The following ATP13A5 variants were observed in gnomAD, a reference collection of about 807,000 sequenced individuals.
ATP13A5 encodes ATPase 13A5.
In ATP13A5, 149 loss-of-function variants were observed where a neutral mutation model predicts 150.2. That is an observed-to-expected ratio of 0.99 (90% CI 0.87 to 1.14). ATP13A5 has a LOEUF of 1.14. Among genes scored for constraint, ATP13A5 ranks in the 50% most tolerant of loss-of-function variants. The probability of loss-of-function intolerance (pLI) is 0.00; values close to 1 mark genes in which losing one functional copy is unlikely to be tolerated. For missense variants in ATP13A5, 1,383 were observed against 1,449.3 expected (o/e 0.95, Z 0.74); for synonymous variants, 497 against 522.2 (o/e 0.95, Z 0.66).
chr3:193,282,945 G>C (rs7615095), intron 27 of ATP13A5, among the ~76,000 whole-genome samples: 61,947 of 152,056 alleles, frequency 0.41, 13,457 homozygotes, highest in East Asian at 0.55. Context: ...GAGGAATAAT[G>C]AGGATACACT....
intron 16 of ATP13A5, 70 bp from the exon 17 acceptor site, chr3:193,319,178 A>G: frequency 2.7e-6 from 3 of 1,112,568 alleles, no homozygotes; most frequent in Non-Finnish European, 4.0e-6. Flanking sequence ...ACTCCAGGAC[A>G]CAGCCATTGT....
intron 7 of ATP13A5, among the ~76,000 whole-genome samples, chr3:193,347,524 C>CTTT (rs1553820269): frequency 4.8e-5 from 7 of 145,382 alleles, no homozygotes; most frequent in Admixed American, 6.8e-5. Flanking sequence ...CCTTAGATTT[C>CTTT]TTTTTTTTTT....
chr3:193,349,673 A>C (rs1344026712), intron 7 of ATP13A5, among the ~76,000 whole-genome samples: 2 of 152,148 alleles, frequency 1.3e-5, no homozygotes, highest in African/African-American at 4.8e-5. Flanking sequence ...AATCAGGAAA[A>C]TGTACCTTAA....
chr3:193,289,422 G>T (rs1423151336), intron 26 of ATP13A5, among the ~76,000 whole-genome samples: 3 of 152,048 alleles, frequency 2.0e-5, no homozygotes, highest in Admixed American at 6.6e-5. Flanking sequence ...CAGCCCACAG[G>T]CCAAATCTGA....
At position 193,275,212 on chromosome 3, in the gene ATP13A5, T is replaced by G. The variant is rs775306817; in HGVS notation, c.3487A>C (p.Lys1163Gln). The G allele has an allele frequency of 1.5e-5, 25 of 1,614,074 alleles. No homozygotes were observed. Among genetic ancestry groups the G allele is most frequent in the Admixed American group, 5.0e-5 (3 of 60,004 alleles). The change falls in exon 30 of 30, where the codon AAG (lysine) becomes CAG (glutamine). Residue 1163 changes from lysine (K) to glutamine (Q), a missense_variant. By Grantham distance (53) the Lys-to-Gln change is moderately conservative. Coordinates refer to ENST00000342358, the MANE Select transcript of ATP13A5 (RefSeq NM_198505.4). ...SKSQYRTWQKKLAEDSTWPPI... is the reference protein window; with the variant it reads ...SKSQYRTWQKQLAEDSTWPPI... ...GGCCAGGTTGAGTCTTCTGCTAGCTTCTTTTGCCAAGTCCTATATTGACTT... is the reference window on the plus strand; with the variant it reads ...GGCCAGGTTGAGTCTTCTGCTAGCTGCTTTTGCCAAGTCCTATATTGACTT...
intron 27 of ATP13A5, among the ~76,000 whole-genome samples, chr3:193,283,246 A>T (rs932764491): frequency 2.0e-5 from 3 of 152,174 alleles, no homozygotes; most frequent in Admixed American, 6.5e-5. Flanking sequence ...TTTAATCCCT[A>T]CCTCAAACTA....
rs1456255023 is a variant in ATP13A5 at position 193,321,658 on chromosome 3, T to C, written c.1915+23A>G. On this transcript the variant is annotated intron_variant, in intron 16 of 29. Transcript: ENST00000342358. ...AGAAAAAACAAAAGTATTTTACTTCTTGAAAGAGAAAAGTGTTAGTACCTG... is the reference window on the plus strand; with the variant it reads ...AGAAAAAACAAAAGTATTTTACTTCCTGAAAGAGAAAAGTGTTAGTACCTG... 1.9e-6 allele frequency: 3 copies of C among 1,610,780 alleles called. No homozygotes were observed. In the African/African-American group the frequency reaches 4.0e-5, roughly 22 times the overall value.
intron 27 of ATP13A5, 45 bp from the exon 28 acceptor site, chr3:193,279,499 T>C (rs1205594344): frequency 4.6e-6 from 7 of 1,529,510 alleles, no homozygotes; most frequent in Admixed American, 1.7e-5. Context: ...AAAGAATGTT[T>C]CATATAATTT....
In ATP13A5 at chr3:193,378,698, G is replaced by C. The variant is rs148053034; in HGVS notation, c.28C>G (p.Arg10Gly). The C allele has an allele frequency of 6.2e-7, 1 of 1,613,910 alleles. No individual in the cohort carries two copies. The highest frequency in any genetic ancestry group is 8.5e-7 in the Non-Finnish European group (1 of 1,179,842). ...TCCTCTCCCTGGTTGAGCAAAGCCC[G>C]ATGGTCCTTCTTACTGTTCTCTTCC... is the stretch of plus-strand genomic sequence containing the variant. MEENSKKDH[R>G]ALLNQGEEDE... Residue 10 changes from arginine to glycine, a missense_variant, in exon 1 of 30, where the codon CGG becomes GGG. Around this residue, in one of 3 missense-constraint regions of ATP13A5, gnomAD observed 787 missense variants for 771.9 expected, o/e 1.02. Transcript: ENST00000342358.
intron 27 of ATP13A5, among the ~76,000 whole-genome samples, chr3:193,281,938 G>A (rs1028016853): frequency 6.6e-6 from 1 of 152,016 alleles, no homozygotes; most frequent in African/African-American, 2.4e-5. Context: ...GTTCACCCCT[G>A]TAATCCCAGC....
rs149585597 is a variant in ATP13A5, at chr3:193,335,017, A to G, written c.1026T>C (p.Tyr342=). The G allele has an allele frequency of 1.8e-3, 2,964 of 1,613,978 alleles. 8 individuals carry two copies. Among genetic ancestry groups the G allele is most frequent in the Non-Finnish European group, 2.1e-3 (2,430 of 1,179,848 alleles). ...MPWKCHSLED[Y]RKHVLFCGTE... Reference sequence around the variant, plus strand: ...TTCCACAGAAAAGGACGTGTTTCCTATAATCCTCCAAACTGTGACATTTCC... The same window carrying G: ...TTCCACAGAAAAGGACGTGTTTCCTGTAATCCTCCAAACTGTGACATTTCC... The change falls in exon 10 of 30, where the codon TAT becomes TAC. Residue 342 remains tyrosine (Y), a synonymous_variant. Coordinates refer to ENST00000342358, the MANE Select transcript of ATP13A5 (RefSeq NM_198505.4).
chr3:193,326,707 T>C (rs2108868101), intron 13 of ATP13A5, among the ~76,000 whole-genome samples: 1 of 152,318 alleles, frequency 6.6e-6, no homozygotes, highest in Non-Finnish European at 1.5e-5. Flanking sequence ...TAGTTTTTAA[T>C]TAAGCATGGT....
intron 19 of ATP13A5, 140 bp downstream of exon 19, chr3:193,313,893 G>A (rs1302378404): frequency 1.0e-6 from 1 of 996,836 alleles, no homozygotes; most frequent in Non-Finnish European, 1.4e-6. Flanking sequence ...TGGCAGAAAT[G>A]CTTTGCAAAC....
intron 1 of ATP13A5, among the ~76,000 whole-genome samples, chr3:193,375,578 G>A (rs1713613068): frequency 6.6e-6 from 1 of 152,174 alleles, no homozygotes; most frequent in South Asian, 2.1e-4. Context: ...AGTGAGGAGG[G>A]TGGGAAGTGG....
intron 11 of ATP13A5, among the ~76,000 whole-genome samples, chr3:193,332,332 A>G (rs1015857812): frequency 2.0e-5 from 3 of 152,246 alleles, no homozygotes; most frequent in East Asian, 1.9e-4. Flanking sequence ...TCTTTCCTTT[A>G]TAAATTGCCC....
At chr3:193,333,192 C>CAT (rs1553817668) in intron 11 of ATP13A5, among the ~76,000 whole-genome samples, 1 of 151,878 alleles carries the variant, frequency 6.6e-6, no homozygotes, top group African/African-American at 2.4e-5. Context: ...CACACACACA[C>CAT]ACGCTCATTG....
intron 1 of ATP13A5, among the ~76,000 whole-genome samples, chr3:193,369,487 T>C (rs933632065): frequency 6.6e-6 from 1 of 152,012 alleles, no homozygotes; most frequent in Non-Finnish European, 1.5e-5. Context: ...GACCAACTAA[T>C]TGAGAGGAAA....
intron 24 of ATP13A5, 23 bp downstream of exon 24, chr3:193,301,188 G>A: frequency 6.5e-7 from 1 of 1,545,824 alleles, no homozygotes; most frequent in Non-Finnish European, 8.9e-7. Flanking sequence ...TTAGAACTGA[G>A]ACAAAATGAT....
chr3:193,326,888 T>C (rs557452236), intron 13 of ATP13A5, 108 bp downstream of exon 13: 3 of 919,686 alleles, frequency 3.3e-6, no homozygotes, highest in Admixed American at 2.0e-5. Flanking sequence ...AGCCAACTAT[T>C]GTATATATTT....
Sources: allele counts gnomAD v4.1 joint callset (sites outside exome capture counted in the v4.1 genomes callset), GRCh38; gene constraint gnomAD v4.1.1; regional missense constraint gnomAD v4.1.1; transcripts MANE v1.5; gene names NCBI Gene and HGNC (gene_info 2026-07-23, HGNC 2026-07-21).